CELSR1: variants seen among roughly 807,000 people sequenced by gnomAD.
CELSR1 encodes the protein cadherin EGF LAG seven-pass G-type receptor 1.
CELSR1 carries 110 observed loss-of-function variants against 249.1 expected under a neutral mutation model. The observed-to-expected ratio is 0.44, with a 90% CI of 0.38 to 0.52. CELSR1 has a LOEUF of 0.52. Among genes scored for constraint, CELSR1 ranks in the 20% least tolerant of loss-of-function variants. The pLI is 0.00. For missense variants in CELSR1, 4,109 were observed against 4,296.4 expected, an observed-to-expected ratio of 0.96 and a Z score of 1.22; for synonymous variants, 2,113 against 1,900.0, an observed-to-expected ratio of 1.11 and a Z score of -2.92.
At chr22:46,496,741 A>G (rs2080417981) in intron 1 of CELSR1, among the ~76,000 whole-genome samples, 1 of 152,014 alleles carries the variant, frequency 6.6e-6, no homozygotes, top group Non-Finnish European at 1.5e-5. Context: ...ATCTTGTCCC[A>G]TCGGGAAGTC....
chr22:46,463,780 G>T lies in CELSR1; in HGVS notation c.4110C>A (p.Asp1370Glu). 1 of 1,595,566 alleles carries T rather than the reference G, an allele frequency of 6.3e-7. No individual in the cohort carries two copies. Among genetic ancestry groups the T allele is most frequent in the Non-Finnish European group, 8.5e-7 (1 of 1,171,214 alleles). ...GGCAGCGGCCGTTGGCGCCGCACGG[G>T]TCGGAGTAGCAGAGGTCGATCTCCG... ...CETEIDLCYS[D>E]PCGANGRCRS... The change falls in exon 2 of 35, where the codon GAC becomes GAA. Residue 1370 changes from aspartate to glutamate, a missense_variant. Asp to Glu is a conservative substitution (Grantham distance 45). This residue lies in a region of CELSR1 where 453 missense variants were observed against 492.0 expected (regional missense o/e 0.92). Coordinates refer to ENST00000674500, the MANE Select transcript of CELSR1 (RefSeq NM_001378328.1).
chr22:46,452,048 G>A (rs945190752), intron 2 of CELSR1, among the ~76,000 whole-genome samples: 8 of 152,156 alleles, frequency 5.3e-5, no homozygotes, highest in South Asian at 2.1e-4. Flanking sequence ...TCCAGGAAGC[G>A]CAGCCGGCCC....
intron 1 of CELSR1, among the ~76,000 whole-genome samples, chr22:46,522,053 T>C (rs181046703): frequency 3.2e-4 from 49 of 152,294 alleles, no homozygotes; most frequent in African/African-American, 1.0e-3. Flanking sequence ...GGGTATGAAG[T>C]AGCATCTCCT....
intron 24 of CELSR1, among the ~76,000 whole-genome samples, chr22:46,375,051 G>C (rs1204741622): frequency 2.0e-5 from 3 of 152,324 alleles, no homozygotes; most frequent in East Asian, 3.9e-4. Flanking sequence ...TGACCTGCGA[G>C]GTGGGGGTGC....
Position 46,535,908 on chromosome 22 carries a change from G to A in CELSR1, c.1263C>T (p.Ala421=), listed in dbSNP as rs764914316. 46 of 1,608,792 alleles carry A rather than the reference G, an allele frequency of 2.9e-5. No individual in the cohort carries two copies. The highest frequency in any genetic ancestry group is 1.1e-4 in the East Asian group (5 of 44,856). Reference sequence around the variant, plus strand: ...TGGCCTCCACCAGGAGCTGGTACTCGGCCGCCTCCTCCCGGTCCAGCACCG... The same window carrying A: ...TGGCCTCCACCAGGAGCTGGTACTCAGCCGCCTCCTCCCGGTCCAGCACCG... ...TRAVLDREEA[A]EYQLLVEAND... Residue 421 remains alanine, a synonymous_variant, in exon 1 of 35, where the codon GCC becomes GCT. Coordinates refer to ENST00000674500, the MANE Select transcript of CELSR1 (RefSeq NM_001378328.1).
chr22:46,508,895 T>C (rs1018822250), intron 1 of CELSR1, among the ~76,000 whole-genome samples: 1 of 152,118 alleles, frequency 6.6e-6, no homozygotes, highest in Non-Finnish European at 1.5e-5. Context: ...CCTGCTGTTG[T>C]CTCCGCCAAG....
At chr22:46,462,941 A>G (rs923336208) in intron 2 of CELSR1, 1 of 466,892 alleles carries the variant, frequency 2.1e-6, no homozygotes, top group Non-Finnish European at 4.4e-6. Context: ...GGAGGCATGA[A>G]AAAACAGGAT....
chr22:46,491,150 C>T (rs9616021), intron 1 of CELSR1, among the ~76,000 whole-genome samples: 48,174 of 150,970 alleles, frequency 0.32, 9,436 homozygotes, highest in East Asian at 0.56. Flanking sequence ...CCAGTAGCAC[C>T]GCCCTCCATA....
chr22:46,369,081 C>T, intron 27 of CELSR1, 98 bp downstream of exon 27: 2 of 1,095,900 alleles, frequency 1.8e-6, no homozygotes, highest in Non-Finnish European at 1.4e-6. Flanking sequence ...CTCCATGAGG[C>T]CTACACGCTC....
chr22:46,483,842 C>T (rs1474704389), intron 1 of CELSR1, among the ~76,000 whole-genome samples: 1 of 152,150 alleles, frequency 6.6e-6, no homozygotes, highest in Non-Finnish European at 1.5e-5. Context: ...CTCTTTCACA[C>T]CAACACTTTC....
chr22:46,494,999 T>C (rs2080399688), intron 1 of CELSR1, among the ~76,000 whole-genome samples: 1 of 152,234 alleles, frequency 6.6e-6, no homozygotes, highest in Non-Finnish European at 1.5e-5. Context: ...TTCTGAGAAA[T>C]GCGTTGTTAG....
At chr22:46,383,946 G>C (rs575049358) in intron 20 of CELSR1, among the ~76,000 whole-genome samples, 84 of 152,164 alleles carry the variant, frequency 5.5e-4, no homozygotes, top group African/African-American at 2.0e-3. Context: ...TGAAATGCTT[G>C]GGAACATTTT....
At chr22:46,373,421 C>T (rs1303983875) in intron 24 of CELSR1, among the ~76,000 whole-genome samples, 6 of 123,940 alleles carry the variant, frequency 4.8e-5, no homozygotes, top group South Asian at 3.1e-4. Context: ...CTGGGCGGGG[C>T]GGGGGGGCAG....
At chr22:46,435,924 C>T (rs1008421725) in intron 4 of CELSR1, among the ~76,000 whole-genome samples, 13 of 152,104 alleles carry the variant, frequency 8.5e-5, no homozygotes, top group African/African-American at 3.1e-4. Context: ...TGGTCTCGAT[C>T]TCGTGACCTT....
rs973083468 is a variant in CELSR1 at position 46,410,730 on chromosome 22, G to A, written c.4770-169C>T. ...AGAGGGGGCTCCTGTGTCTGGTGCCGCCACTGCCTCCGTTTGCTCACACTT... is the reference window on the plus strand; with the variant it reads ...AGAGGGGGCTCCTGTGTCTGGTGCCACCACTGCCTCCGTTTGCTCACACTT... On this transcript the variant is annotated intron_variant, in intron 6 of 34. Coordinates refer to ENST00000674500, the MANE Select transcript of CELSR1 (RefSeq NM_001378328.1). The surrounding 1 kb of genome is among the most constrained non-coding windows in gnomAD (Gnocchi z 6.8). Among the ~76,000 whole-genome samples, 7 of 151,820 alleles carry A rather than the reference G, an allele frequency of 4.6e-5. No homozygotes were observed. Among genetic ancestry groups the A allele is most frequent in the South Asian group, 4.2e-4 (2 of 4,790 alleles).
In CELSR1 at chr22:46,411,484, T is replaced by G; in HGVS notation, c.4769+118A>C. ...CAGGATGTCTGACTCTAGCCTGGAATGAGGTCGCCAGGGCACTGCACCCAG... is the reference window on the plus strand; with the variant it reads ...CAGGATGTCTGACTCTAGCCTGGAAGGAGGTCGCCAGGGCACTGCACCCAG... On this transcript the variant is annotated intron_variant, in intron 6 of 34. Coordinates refer to ENST00000674500, the MANE Select transcript of CELSR1 (RefSeq NM_001378328.1). The surrounding 1 kb of genome is among the most constrained non-coding windows in gnomAD (Gnocchi z 4.2). 1 of 1,153,852 alleles carries G rather than the reference T, an allele frequency of 8.7e-7. No homozygotes were observed. Among genetic ancestry groups the G allele is most frequent in the South Asian group, 1.5e-5 (1 of 65,488 alleles). The allele number at this position is 1,153,852 out of a possible 1,614,324, so 71.5% of individuals were successfully genotyped here.
In CELSR1 at chr22:46,463,614, C is replaced by T. The variant is rs900979022; in HGVS notation, c.4183+93G>A. The T allele has an allele frequency of 3.7e-6, 5 of 1,353,950 alleles. No individual in the cohort carries two copies. The Admixed American group carries it at 1.4e-4, about 37-fold the overall frequency. 83.9% of individuals were successfully genotyped at this position (1,353,950 alleles called of 1,614,324 possible). A position where few individuals can be genotyped will look rare whatever the true frequency, so the allele number is the denominator to read the frequency against. ...AGCGCCCATCCTCCAGCTGTTTTCC[C>T]CGGAGGGAAGTAAACAGAGGAAACC... On this transcript the variant is annotated intron_variant, in intron 2 of 34. Transcript: ENST00000674500.
rs572260057 is a variant in CELSR1, at chr22:46,476,264, G to C, written c.3545-11919C>G. On this transcript the variant is annotated intron_variant, in intron 1 of 34. Coordinates refer to ENST00000674500, the MANE Select transcript of CELSR1 (RefSeq NM_001378328.1). ...ACCAATGTATGAATGGACAAACCCAGTATGTTCCATTCATACAATGGAATA... is the reference window on the plus strand; with the variant it reads ...ACCAATGTATGAATGGACAAACCCACTATGTTCCATTCATACAATGGAATA... Among the ~76,000 whole-genome samples the C allele has an allele frequency of 1.2e-4, 19 of 152,240 alleles. No homozygotes were observed. The South Asian group carries it at 3.7e-3, about 30-fold the overall frequency.
chr22:46,535,872 C>T lies in CELSR1; in HGVS notation c.1299G>A (p.Gly433=), dbSNP rs770041735. 1.2e-6 allele frequency: 2 copies of T among 1,610,248 alleles called. No homozygotes were observed. Among genetic ancestry groups the T allele is most frequent in the African/African-American group, 2.7e-5 (2 of 74,930 alleles). The change falls in exon 1 of 35, where the codon GGG becomes GGA. Residue 433 remains glycine (G), a synonymous_variant. Transcript: ENST00000674500. ...TGGCACTGAGCGGGCCCGGATTGCG[C>T]CCCTGGTCGTTGGCCTCCACCAGGA... ...YQLLVEANDQ[G]RNPGPLSATA... is the part of the protein sequence containing the mutation.
Sources: allele counts gnomAD v4.1 joint callset (sites outside exome capture counted in the v4.1 genomes callset), GRCh38; gene constraint gnomAD v4.1.1; regional missense constraint gnomAD v4.1.1; non-coding constraint Gnocchi (gnomAD v3.1); transcripts MANE v1.5; gene names NCBI Gene and HGNC (gene_info 2026-07-23, HGNC 2026-07-21).